Variants in MAK observed in about 807,000 individuals in gnomAD.
MAK encodes the protein male germ cell associated kinase.
A neutral mutation model predicts 82.6 loss-of-function variants in MAK; 65 were observed. The ratio of observed to expected loss-of-function variants is 0.79; its 90% CI spans 0.64 to 0.97. MAK has a LOEUF of 0.97. Ranked by LOEUF, MAK falls within the 50% of genes least tolerant of loss-of-function variation. MAK has a pLI of 0.00. For synonymous variants in MAK, 250 were observed against 274.2 expected, an observed-to-expected ratio of 0.91 and a Z score of 0.87; for missense variants, 703 against 780.2, an observed-to-expected ratio of 0.90 and a Z score of 1.18.
At chr6:10,786,837 T>G (rs878993110) in intron 10 of MAK, among the ~76,000 whole-genome samples, 9 of 119,056 alleles carry the variant, frequency 7.6e-5, no homozygotes, top group Middle Eastern at 4.7e-3. Flanking sequence ...CTCCGCTAAT[T>G]CACCAGTTCA....
intron 8 of MAK, chr6:10,797,782 G>T (rs182836369): frequency 3.4e-5 from 43 of 1,253,644 alleles, no homozygotes; most frequent in Middle Eastern, 2.2e-4. Context: ...AGGAACAGAA[G>T]GCAGCTTGGT....
intron 13 of MAK, 150 bp downstream of exon 13, chr6:10,772,884 C>T (rs1021393638): frequency 3.9e-6 from 2 of 512,082 alleles, no homozygotes; most frequent in African/African-American, 1.9e-5. Flanking sequence ...CTTGATGAGA[C>T]AGAATGCTTT....
rs181246820 is a variant in MAK at position 10,822,635 on chromosome 6, C to T, written c.102-3695G>A. Among the ~76,000 whole-genome samples, 9 of 152,278 alleles carry T rather than the reference C, an allele frequency of 5.9e-5. No homozygotes were observed. The East Asian group carries it at 1.7e-3, about 29-fold the overall frequency. ...GATTATCCCAAAGGTAAACCAATTG[C>T]TTAGAATAGCTAAGAAAAGGCATTT... On this transcript the variant is annotated intron_variant, in intron 2 of 14. Transcript: ENST00000354489.
chr6:10,792,140 T>C lies in MAK; in HGVS notation c.1144-293A>G, dbSNP rs979184995. ...CAGGAAGGATCTGGAAACCTGAGAC[T>C]TGGCTATGCTCTTTGGGCAAGTGAC... On this transcript the variant is annotated intron_variant, in intron 9 of 14. Coordinates refer to ENST00000354489, the MANE Select transcript of MAK (RefSeq NM_001242957.3). 7.1e-5 allele frequency among the ~76,000 whole-genome samples: 3 copies of C among 42,536 alleles called. No individual in the cohort carries two copies. In the African/African-American group the frequency reaches 8.8e-4, roughly 12 times the overall value. 27.9% of individuals were successfully genotyped at this position (42,536 alleles called of 152,430 possible).
chr6:10,765,616 C>T (rs1030323817), intron 14 of MAK, among the ~76,000 whole-genome samples: 3 of 151,958 alleles, frequency 2.0e-5, no homozygotes, highest in Non-Finnish European at 4.4e-5. Context: ...CGCACCACCA[C>T]GCCCAGCTAG....
At chr6:10,809,104 G>A (rs3817831) in intron 5 of MAK, among the ~76,000 whole-genome samples, 162 bp from the exon 6 acceptor site, 9,097 of 152,200 alleles carry the variant, frequency 0.06, 840 homozygotes, top group African/African-American at 0.21. Flanking sequence ...AGTAAATGGG[G>A]CGTAGGGACC....
At chr6:10,796,370 A>C in intron 8 of MAK, 61 bp from the exon 9 acceptor site, 1 of 1,397,094 alleles carries the variant, frequency 7.2e-7, no homozygotes, top group Admixed American at 1.7e-5. Flanking sequence ...TATTGCACAT[A>C]AACTATGGTT....
chr6:10,821,919 G>A (rs1355898691), intron 2 of MAK, among the ~76,000 whole-genome samples: 3 of 150,342 alleles, frequency 2.0e-5, no homozygotes, highest in Admixed American at 6.6e-5. Context: ...AGGCCAAGGC[G>A]GGCGGATCAC....
At chr6:10,782,218 A>T (rs958296093) in intron 11 of MAK, among the ~76,000 whole-genome samples, 46 of 131,224 alleles carry the variant, frequency 3.5e-4, no homozygotes, top group South Asian at 1.1e-3. Context: ...ACACACACAC[A>T]CACACACACA....
Position 10,793,972 on chromosome 6 carries a change from G to A in MAK, c.1143+2026C>T, listed in dbSNP as rs982327767. Among the ~76,000 whole-genome samples, 1 of 152,128 alleles carries A rather than the reference G, an allele frequency of 6.6e-6. No homozygotes were observed. Among genetic ancestry groups the A allele is most frequent in the African/African-American group, 2.4e-5 (1 of 41,420 alleles). ...TTCTAAGTGGAAAGCAAGATGAGAG[G>A]GGACTTAAAGACACATTCATAATAG... On this transcript the variant is annotated intron_variant, in intron 9 of 14. Coordinates refer to ENST00000354489, the MANE Select transcript of MAK (RefSeq NM_001242957.3). This position sits in a 1 kb window ranked among gnomAD's most constrained non-coding sequence, Gnocchi z 4.6.
intron 9 of MAK, among the ~76,000 whole-genome samples, chr6:10,792,745 A>G (rs148483263): frequency 1.4e-3 from 218 of 152,330 alleles, no homozygotes; most frequent in African/African-American, 5.0e-3. Flanking sequence ...TAAAGAATGG[A>G]CATGCTATTG....
chr6:10,780,713 A>G (rs1773888034), intron 11 of MAK, among the ~76,000 whole-genome samples: 1 of 152,084 alleles, frequency 6.6e-6, no homozygotes, highest in African/African-American at 2.4e-5. Context: ...TTAGCCTCCC[A>G]AAGTGCTGGG....
At chr6:10,775,288 G>C in intron 12 of MAK, 40 bp downstream of exon 12, 1 of 1,606,312 alleles carries the variant, frequency 6.2e-7, no homozygotes, top group Non-Finnish European at 8.5e-7. Flanking sequence ...CCTCTATAAA[G>C]GAAAACCCCG....
intron 4 of MAK, among the ~76,000 whole-genome samples, chr6:10,815,911 AGTATATAT>A (rs1330172615): frequency 2.6e-5 from 2 of 78,190 alleles, no homozygotes; most frequent in East Asian, 3.0e-4. Flanking sequence ...AGCTTTATAC[AGTATATAT>A]ATATATATAT....
rs1368003287 is a variant in MAK at position 10,793,893 on chromosome 6, TCGC to T, written c.1144-2049_1144-2047del. 2.0e-5 allele frequency among the ~76,000 whole-genome samples: 3 copies of T among 152,188 alleles called. No individual in the cohort carries two copies. The highest frequency in any genetic ancestry group is 4.4e-5 in the Non-Finnish European group (3 of 68,042). ...TATGGTTTAGAATGTCGGAGGTGAT[TCGC>T]CCTGCTCTATATTCCCTGCCTGCTG... is the stretch of plus-strand genomic sequence containing the variant. On this transcript the variant is annotated intron_variant, in intron 9 of 14. Coordinates refer to ENST00000354489, the MANE Select transcript of MAK (RefSeq NM_001242957.3). The surrounding 1 kb of genome is among the most constrained non-coding windows in gnomAD (Gnocchi z 4.6).
At chr6:10,833,536 C>T (rs1052515696) in intron 1 of MAK, among the ~76,000 whole-genome samples, 12 of 151,832 alleles carry the variant, frequency 7.9e-5, no homozygotes, top group African/African-American at 1.9e-4. Flanking sequence ...ACCTGGGAGG[C>T]GGAGGTTGCA....
intron 8 of MAK, among the ~76,000 whole-genome samples, chr6:10,798,415 C>T (rs1775745124): frequency 6.6e-6 from 1 of 152,000 alleles, no homozygotes; most frequent in Admixed American, 6.6e-5. Context: ...GCCCGGCCAA[C>T]TCTTCCCTTT....
intron 14 of MAK, among the ~76,000 whole-genome samples, chr6:10,765,440 ATTTTTTTTTTTTTTT>A (rs200536068): frequency 9.2e-5 from 12 of 130,650 alleles, no homozygotes; most frequent in Non-Finnish European, 1.9e-4. Flanking sequence ...TAGAATGAAG[ATTTTTTTTTTTTTTT>A]TTTTTTTTTT....
chr6:10,786,169 C>T (rs12203283), intron 10 of MAK, among the ~76,000 whole-genome samples: 71,778 of 151,950 alleles, frequency 0.47, 18,169 homozygotes, highest in Non-Finnish European at 0.56. Flanking sequence ...CACTTGAACC[C>T]GGGAGGCAGA....
Sources: gnomAD v4.1 joint callset for allele counts (sites outside exome capture counted in the v4.1 genomes callset) on GRCh38, gnomAD v4.1.1 for gene constraint, Gnocchi (gnomAD v3.1) non-coding constraint, MANE v1.5 for transcripts, NCBI Gene and HGNC (gene_info 2026-07-23, HGNC 2026-07-21) for gene names.